Variants in FNDC3B observed in about 807,000 individuals in gnomAD.
FNDC3B encodes fibronectin type III domain-containing protein 3B.
A neutral mutation model predicts 151.5 loss-of-function variants in FNDC3B; 12 were observed. The ratio of observed to expected loss-of-function variants is 0.08; its 90% CI spans 0.05 to 0.13. The LOEUF is 0.13. Ranked by LOEUF, FNDC3B falls within the 10% of genes least tolerant of loss-of-function variation. FNDC3B has a pLI of 1.00. For synonymous variants in FNDC3B, 528 were observed against 549.0 expected (o/e 0.96, Z 0.54); for missense variants, 1,214 against 1,505.3 (o/e 0.81, Z 3.20).
intron 17 of FNDC3B, 79 bp from the exon 18 acceptor site, chr3:172,342,932 G>C (rs1733409429): frequency 2.4e-6 from 2 of 825,434 alleles, no homozygotes; most frequent in Non-Finnish European, 4.3e-6. Context: ...CAGTTATGGG[G>C]TGGAATTTGC....
At chr3:172,279,345 C>T (rs114777230) in intron 6 of FNDC3B, among the ~76,000 whole-genome samples, 262 of 152,336 alleles carry the variant, frequency 1.7e-3, no homozygotes, top group Non-Finnish European at 3.3e-3. Flanking sequence ...TCCAGCTGGG[C>T]ACACTGCTTG....
chr3:172,386,988 G>A (rs1473962183), intron 25 of FNDC3B, among the ~76,000 whole-genome samples: 2 of 151,920 alleles, frequency 1.3e-5, no homozygotes, highest in Middle Eastern at 3.4e-3. Context: ...ATGGAGTCTC[G>A]CTCTGTCGCC....
At chr3:172,222,743 T>C (rs62281780) in intron 3 of FNDC3B, among the ~76,000 whole-genome samples, 17,532 of 152,238 alleles carry the variant, frequency 0.12, 1,056 homozygotes, top group South Asian at 0.2. Flanking sequence ...TGCCCACTGT[T>C]CATCTCCTGC....
intron 19 of FNDC3B, 104 bp downstream of exon 19, chr3:172,344,362 A>T: frequency 4.0e-6 from 4 of 1,005,046 alleles, no homozygotes; most frequent in South Asian, 1.7e-5. Flanking sequence ...GACAGTCTTG[A>T]TGCAACCTTG....
At chr3:172,215,787 C>A (rs1445439133) in intron 3 of FNDC3B, among the ~76,000 whole-genome samples, 1 of 152,154 alleles carries the variant, frequency 6.6e-6, no homozygotes, top group African/African-American at 2.4e-5. Context: ...TTTTAATGAG[C>A]AATCTTTCTG....
rs148426581 is a variant in FNDC3B, at chr3:172,123,166, G to A, written c.112-10305G>A. On this transcript the variant is annotated intron_variant, in intron 2 of 25. Transcript: ENST00000415807. ...CTATCCTCTCACCTCAGCCTCCTGA[G>A]TAGCTGGGACTATAGGCATGCACCA... 2.9e-3 allele frequency among the ~76,000 whole-genome samples: 448 copies of A among 152,278 alleles called. 1 individual carries two copies. The highest frequency in any genetic ancestry group is 0.01 in the African/African-American group (423 of 41,560).
intron 22 of FNDC3B, among the ~76,000 whole-genome samples, chr3:172,353,963 A>AAG (rs1553795375): frequency 4.0e-5 from 1 of 25,210 alleles, no homozygotes; most frequent in Non-Finnish European, 1.1e-4. Flanking sequence ...GATCTTGGGG[A>AAG]AAAAAAAAAA....
chr3:172,305,404 T>A (rs1340960670), intron 9 of FNDC3B, among the ~76,000 whole-genome samples: 2 of 152,228 alleles, frequency 1.3e-5, no homozygotes, highest in Non-Finnish European at 2.9e-5. Context: ...GTTTGTTAGA[T>A]TAATTTGTTT....
chr3:172,380,723 C>T (rs1374993602), intron 24 of FNDC3B, among the ~76,000 whole-genome samples: 1 of 152,216 alleles, frequency 6.6e-6, no homozygotes, highest in Non-Finnish European at 1.5e-5. Flanking sequence ...CCACATCAAG[C>T]TGTTATTAAT....
intron 2 of FNDC3B, among the ~76,000 whole-genome samples, chr3:172,116,950 T>C (rs1720288566): frequency 6.6e-6 from 1 of 152,258 alleles, no homozygotes. Flanking sequence ...TTTTACTGCA[T>C]GGATCTACCA....
At chr3:172,091,366 G>T (rs1208829198) in intron 1 of FNDC3B, among the ~76,000 whole-genome samples, 7 of 152,158 alleles carry the variant, frequency 4.6e-5, no homozygotes, top group Admixed American at 4.6e-4. Flanking sequence ...CCAAGGTTTT[G>T]CTCTATCTAT....
chr3:172,242,377 GT>G (rs1553777098), intron 4 of FNDC3B, among the ~76,000 whole-genome samples: 6,419 of 152,262 alleles, frequency 0.042, 183 homozygotes, highest in Non-Finnish European at 0.066. Flanking sequence ...CCTAGCAGAG[GT>G]TCTCGATGAC....
At chr3:172,217,928 T>C (rs987830013) in intron 3 of FNDC3B, among the ~76,000 whole-genome samples, 2 of 152,138 alleles carry the variant, frequency 1.3e-5, no homozygotes, top group Non-Finnish European at 2.9e-5. Flanking sequence ...GGTGAGAAGA[T>C]GGTGGCTACC....
intron 3 of FNDC3B, among the ~76,000 whole-genome samples, chr3:172,191,856 A>T (rs1477902361): frequency 6.6e-6 from 1 of 152,050 alleles, no homozygotes; most frequent in Non-Finnish European, 1.5e-5. Context: ...GCCAACTCTC[A>T]ATCAATTGAC....
intron 3 of FNDC3B, among the ~76,000 whole-genome samples, chr3:172,150,001 T>C (rs1722138947): frequency 6.6e-6 from 1 of 151,872 alleles, no homozygotes; most frequent in Non-Finnish European, 1.5e-5. Context: ...GTATTTTTAG[T>C]AGAGACAGGG....
chr3:172,274,255 A>T (rs1017766659), intron 6 of FNDC3B, among the ~76,000 whole-genome samples: 11 of 152,190 alleles, frequency 7.2e-5, no homozygotes, highest in African/African-American at 2.7e-4. Context: ...TAGTATAAAC[A>T]TGTTTAAACT....
chr3:172,311,047 T>C lies in FNDC3B; in HGVS notation c.1254+166T>C, dbSNP rs999780492. On this transcript the variant is annotated intron_variant, in intron 11 of 25. Transcript: ENST00000415807. ...ATTGACTATGGAAAATGAAGTTAGATTGAAGTAGTATTATGAGTTGTGTAT... is the reference window on the plus strand; with the variant it reads ...ATTGACTATGGAAAATGAAGTTAGACTGAAGTAGTATTATGAGTTGTGTAT... 16 of 603,112 alleles carry C rather than the reference T, an allele frequency of 2.7e-5. No homozygotes were observed. The East Asian group carries it at 4.3e-4, about 16-fold the overall frequency. 37.4% of individuals were successfully genotyped at this position (603,112 alleles called of 1,614,324 possible).
At chr3:172,375,296 C>G (rs543013539) in intron 23 of FNDC3B, among the ~76,000 whole-genome samples, 42 of 152,290 alleles carry the variant, frequency 2.8e-4, no homozygotes, top group Middle Eastern at 3.4e-3. Context: ...GACCTTGGGC[C>G]TGTGTGTTCA....
At chr3:172,350,708 C>T (rs1226300149) in intron 21 of FNDC3B, among the ~76,000 whole-genome samples, 1 of 152,020 alleles carries the variant, frequency 6.6e-6, no homozygotes, top group Non-Finnish European at 1.5e-5. Context: ...TCAAACTTAG[C>T]TGGGTGTGGT....
Sources: gnomAD v4.1 joint callset for allele counts (sites outside exome capture counted in the v4.1 genomes callset) on GRCh38, gnomAD v4.1.1 for gene constraint, MANE v1.5 for transcripts, NCBI Gene and HGNC (gene_info 2026-07-23, HGNC 2026-07-21) for gene names.